Variants in MTMR9 observed in about 807,000 individuals in gnomAD.
The protein encoded by MTMR9 is myotubularin-related protein 9.
Under a neutral mutation model 69.5 loss-of-function variants are expected in MTMR9, and 39 were observed. That is an observed-to-expected ratio of 0.56 (90% confidence interval 0.43 to 0.73). MTMR9 has a LOEUF of 0.73. Ranked by LOEUF, MTMR9 falls within the 30% of genes least tolerant of loss-of-function variation. MTMR9 has a pLI of 0.00. For synonymous variants in MTMR9, 354 were observed against 240.8 expected (o/e 1.47, Z -4.35); for missense variants, 900 against 671.2 (o/e 1.34, Z -3.77).
At position 11,325,256 on chromosome 8, in the gene MTMR9, AG is replaced by A. The variant is rs1321781539; in HGVS notation, c.*2469del. 8.5e-5 allele frequency: 13 copies of A among 152,226 alleles called. No homozygotes were observed. Among genetic ancestry groups the A allele is most frequent in the African/African-American group, 2.9e-4 (12 of 41,458 alleles). 9.4% of individuals were successfully genotyped at this position (152,226 alleles called of 1,614,324 possible). ...CCAAATCCAAAAACGGTCAGAAATAAGTCCATTATCAATATAATTTGAAGAA... is the reference window on the plus strand; with the variant it reads ...CCAAATCCAAAAACGGTCAGAAATAATCCATTATCAATATAATTTGAAGAA... On this transcript the variant is annotated 3_prime_UTR_variant, in exon 10 of 10. Transcript: ENST00000221086.
At chr8:11,301,950 G>A (rs1799760816) in intron 3 of MTMR9, among the ~76,000 whole-genome samples, 2 of 151,946 alleles carry the variant, frequency 1.3e-5, no homozygotes, top group Admixed American at 1.3e-4. Flanking sequence ...TTATTACATG[G>A]GAGTTTAGGA....
chr8:11,307,532 A>G (rs774463007), intron 5 of MTMR9, among the ~76,000 whole-genome samples: 1 of 152,170 alleles, frequency 6.6e-6, no homozygotes, highest in Non-Finnish European at 1.5e-5. Flanking sequence ...TGAGATCCTG[A>G]TTTCGTTTCC....
intron 9 of MTMR9, 200 bp downstream of exon 9, chr8:11,320,038 A>G: frequency 4.0e-6 from 2 of 504,384 alleles, no homozygotes; most frequent in Non-Finnish European, 6.9e-6. Flanking sequence ...TTCAGTTACC[A>G]TTGAGAAATT....
rs373118710 is a variant in MTMR9, at chr8:11,285,038, C to G, written c.150C>G (p.Leu50=). Residue 50 remains leucine (L), a synonymous_variant, in exon 1 of 10, where the codon CTC becomes CTG. Transcript: ENST00000221086. ...SRQDNTEELW[L]LHSNIDAIDK... ...AGGACAATACGGAGGAGCTGTGGCT[C>G]CTCCATTCAAACATCGACGCCATCG... The G allele has an allele frequency of 4.3e-6, 7 of 1,611,170 alleles. No individual in the cohort carries two copies. Among genetic ancestry groups the G allele is most frequent in the African/African-American group, 2.7e-5 (2 of 74,806 alleles).
intron 1 of MTMR9, among the ~76,000 whole-genome samples, chr8:11,287,778 ATTATATATTATATATAATACATAT>A (rs1799219058): frequency 1.6e-5 from 2 of 121,500 alleles, no homozygotes; most frequent in Non-Finnish European, 3.2e-5. Context: ...TTATATATTT[ATTATATATTATATATAATACATAT>A]TATATAATAC....
chr8:11,328,912 A>T (rs1406103045), downstream of MTMR9, among the ~76,000 whole-genome samples: 1 of 152,234 alleles, frequency 6.6e-6, no homozygotes, highest in Non-Finnish European at 1.5e-5. Context: ...TTTATAGTTT[A>T]AAATCTTACA....
downstream of MTMR9, among the ~76,000 whole-genome samples, chr8:11,329,549 C>A (rs1350879440): frequency 6.6e-6 from 1 of 152,244 alleles, no homozygotes; most frequent in African/African-American, 2.4e-5. Flanking sequence ...CTCCTAACCG[C>A]GAGTGATCCG....
At chr8:11,320,834 TGAA>T (rs1398341685) in intron 9 of MTMR9, 1 of 152,262 alleles carries the variant, frequency 6.6e-6, no homozygotes, top group East Asian at 1.9e-4. Flanking sequence ...AAAGTTATTT[TGAA>T]GATAATAAGC....
chr8:11,332,088 C>G (rs765798784), downstream of MTMR9: 4 of 1,611,580 alleles, frequency 2.5e-6, no homozygotes, highest in South Asian at 1.1e-5. Flanking sequence ...AGCCCGGAAC[C>G]TCAGCTGTGA....
At chr8:11,333,407 T>C in the MTMR9 span, among the ~76,000 whole-genome samples, 1 of 152,138 alleles carries the variant, frequency 6.6e-6, no homozygotes, top group Non-Finnish European at 1.5e-5. Context: ...CCAGCAAAAC[T>C]GTCCTTCAAA....
At chr8:11,290,930 A>C (rs906299363) in intron 1 of MTMR9, among the ~76,000 whole-genome samples, 3 of 151,448 alleles carry the variant, frequency 2.0e-5, no homozygotes, top group Non-Finnish European at 4.4e-5. Flanking sequence ...CAATTTTGGA[A>C]AACTTGCTAT....
downstream of MTMR9, chr8:11,332,318 A>C (rs1392286469): frequency 9.8e-7 from 1 of 1,018,882 alleles, no homozygotes; most frequent in African/African-American, 1.7e-5. Context: ...CAAACAAATG[A>C]GAAATCTGGC....
At chr8:11,315,694 A>G (rs540601104) in intron 7 of MTMR9, among the ~76,000 whole-genome samples, 13 of 152,354 alleles carry the variant, frequency 8.5e-5, no homozygotes, top group Admixed American at 3.9e-4. Context: ...ATTCGCATTT[A>G]TCATGCACTA....
At chr8:11,294,147 G>A (rs1799467431) in intron 1 of MTMR9, among the ~76,000 whole-genome samples, 1 of 152,188 alleles carries the variant, frequency 6.6e-6, no homozygotes, top group Non-Finnish European at 1.5e-5. Flanking sequence ...ACAATAAAAA[G>A]AAAATTCTGG....
In MTMR9 at chr8:11,322,886, T is replaced by A; in HGVS notation, c.*98T>A. 8.7e-7 allele frequency: 1 copy of A among 1,148,204 alleles called. No individual in the cohort carries two copies. The highest frequency in any genetic ancestry group is 1.6e-5 in the African/African-American group (1 of 64,360). 71.1% of individuals were successfully genotyped at this position (1,148,204 alleles called of 1,614,324 possible). A position where few individuals can be genotyped will look rare whatever the true frequency, so the allele number is the denominator to read the frequency against. On this transcript the variant is annotated 3_prime_UTR_variant, in exon 10 of 10. Transcript: ENST00000221086. The stretch of plus-strand genomic sequence containing the variant: ...TCACTTTTACACGGTAGCCTTGAAG[T>A]GAAGGCTTTAGATGTGGGACCCCCC...
chr8:11,312,531 T>A (rs545741454), intron 6 of MTMR9, among the ~76,000 whole-genome samples: 7 of 152,294 alleles, frequency 4.6e-5, no homozygotes, highest in African/African-American at 1.2e-4. Context: ...CACTTCTAAT[T>A]CTAGTTCTTT....
chr8:11,307,009 A>G (rs111432517), intron 5 of MTMR9, among the ~76,000 whole-genome samples: 101 of 152,324 alleles, frequency 6.6e-4, no homozygotes, highest in African/African-American at 2.3e-3. Context: ...CTTATTTCAT[A>G]TAGCATGATG....
intron 1 of MTMR9, among the ~76,000 whole-genome samples, chr8:11,294,611 C>T (rs1174474072): frequency 2.0e-5 from 3 of 148,778 alleles, no homozygotes; most frequent in Non-Finnish European, 3.0e-5. Context: ...AAGCGATTCT[C>T]TTGCCTGAGC....
chr8:11,304,948 G>C lies in MTMR9; in HGVS notation c.525G>C (p.Lys175Asn). 1 of 1,613,990 alleles carries C rather than the reference G, an allele frequency of 6.2e-7. No homozygotes were observed. The highest frequency in any genetic ancestry group is 8.5e-7 in the Non-Finnish European group (1 of 1,179,910). ...PKSIDDEALR[K>N]VATFRHGGRF... ...CCATCGATGATGAAGCTCTTCGGAA[G>C]GTAGCTACATTTCGACATGGAGGGC... Residue 175 changes from lysine (K) to asparagine (N), a missense_variant, in exon 4 of 10, where the codon AAG becomes AAC. Transcript: ENST00000221086.
Sources: gnomAD v4.1 joint callset for allele counts (sites outside exome capture counted in the v4.1 genomes callset) on GRCh38, gnomAD v4.1.1 for gene constraint, MANE v1.5 for transcripts, NCBI Gene and HGNC (gene_info 2026-07-23, HGNC 2026-07-21) for gene names.